Variants in NOXA1 observed in about 807,000 individuals in gnomAD.
The protein encoded by NOXA1 is NADPH oxidase activator 1.
A neutral mutation model predicts 64.8 loss-of-function variants in NOXA1; 56 were observed. The observed-to-expected ratio is 0.86, with a 90% CI of 0.70 to 1.08. The LOEUF (loss-of-function observed/expected upper bound fraction) is 1.08. NOXA1 is among the 50% of genes least tolerant of loss of function. The pLI is 0.00. For synonymous variants in NOXA1, 295 were observed against 294.8 expected (o/e 1.00, Z -0.01); for missense variants, 668 against 658.5 (o/e 1.01, Z -0.16).
chr9:137,423,636 C>T lies in NOXA1; in HGVS notation c.107C>T (p.Pro36Leu), dbSNP rs769002081. ...ALHLFSGVPA[P>L]PARLCFNAGC... ...CACCTCTTCTCGGGCGTCCCGGCGCCGCCCGCCAGGCTGTGCTTCAACGCG... is the reference window on the plus strand; with the variant it reads ...CACCTCTTCTCGGGCGTCCCGGCGCTGCCCGCCAGGCTGTGCTTCAACGCG... Residue 36 changes from proline (P) to leucine (L), a missense_variant, in exon 1 of 14, where the codon CCG (proline) becomes CTG (leucine). Transcript: ENST00000683555. The T allele has an allele frequency of 1.3e-4, 189 of 1,436,194 alleles. No homozygotes were observed. Among genetic ancestry groups the T allele is most frequent in the Non-Finnish European group, 1.3e-4 (146 of 1,092,836 alleles). 89.0% of individuals were successfully genotyped at this position (1,436,194 alleles called of 1,614,324 possible).
At chr9:137,429,528 G>A (rs958781089) in intron 5 of NOXA1, 145 bp downstream of exon 5, 16 of 619,262 alleles carry the variant, frequency 2.6e-5, no homozygotes, top group African/African-American at 1.3e-4. Context: ...TCAAACTGGC[G>A]CCCACGGTAG....
intron 3 of NOXA1, 66 bp from the exon 4 acceptor site, chr9:137,428,816 G>A: frequency 6.7e-7 from 1 of 1,484,172 alleles, no homozygotes; most frequent in East Asian, 2.6e-5. Flanking sequence ...GGAGCTGGGT[G>A]GGGGAACCGG....
In NOXA1 at chr9:137,426,390, C is replaced by T. The variant is rs962217517; in HGVS notation, c.260+60C>T. The T allele has an allele frequency of 7.7e-6, 10 of 1,293,872 alleles. No individual in the cohort carries two copies. In the East Asian group the frequency reaches 2.1e-4, roughly 27 times the overall value. The allele number at this position is 1,293,872 out of a possible 1,614,324, so 80.1% of individuals were successfully genotyped here. A position where few individuals can be genotyped will look rare whatever the true frequency, so the allele number is the denominator to read the frequency against. On this transcript the variant is annotated intron_variant, in intron 2 of 13. Coordinates refer to ENST00000683555, the MANE Select transcript of NOXA1 (RefSeq NM_001256067.2). ...GCCCTTTGTCTCCCTGCAGAGTCCACTCCTGCACCTCCTCCTCCTCCCTCT... is the reference window on the plus strand; with the variant it reads ...GCCCTTTGTCTCCCTGCAGAGTCCATTCCTGCACCTCCTCCTCCTCCCTCT...
rs745960918 is a variant in NOXA1, at chr9:137,423,601, C to A, written c.72C>A (p.Ala24=). The A allele has an allele frequency of 6.8e-7, 1 of 1,478,568 alleles. No homozygotes were observed. Among genetic ancestry groups the A allele is most frequent in the Admixed American group, 2.1e-5 (1 of 48,220 alleles). 91.6% of individuals were successfully genotyped at this position (1,478,568 alleles called of 1,614,324 possible). A position where few individuals can be genotyped will look rare whatever the true frequency, so the allele number is the denominator to read the frequency against. Residue 24 remains alanine (A), a synonymous_variant, in exon 1 of 14, where the codon GCC becomes GCA. Coordinates refer to ENST00000683555, the MANE Select transcript of NOXA1 (RefSeq NM_001256067.2). ...GAQAVDRGDW[A]RALHLFSGVP... is the part of the protein sequence containing the mutation. ...AGGCTGTGGATCGTGGGGACTGGGC[C>A]CGCGCCTTGCACCTCTTCTCGGGCG...
At chr9:137,425,681 C>T (rs575452438) in intron 1 of NOXA1, among the ~76,000 whole-genome samples, 4 of 152,296 alleles carry the variant, frequency 2.6e-5, no homozygotes, top group African/African-American at 7.2e-5. Context: ...CTAACATGCC[C>T]GGCCTGTAAT....
Position 137,428,779 on chromosome 9 carries a change from G to A in NOXA1, c.370-103G>A. The A allele has an allele frequency of 4.1e-6, 5 of 1,214,612 alleles. No homozygotes were observed. In the Admixed American group the frequency reaches 7.4e-5, roughly 18 times the overall value. The allele number at this position is 1,214,612 out of a possible 1,614,324, so 75.2% of individuals were successfully genotyped here. A position where few individuals can be genotyped will look rare whatever the true frequency, so the allele number is the denominator to read the frequency against. Reference sequence around the variant, plus strand: ...GAGGGGCCAGGTGGGGGGACTGGGGGAGGGGCTGGGTGGGCAGACCGAGGG... The same window carrying A: ...GAGGGGCCAGGTGGGGGGACTGGGGAAGGGGCTGGGTGGGCAGACCGAGGG... On this transcript the variant is annotated intron_variant, in intron 3 of 13. Coordinates refer to ENST00000683555, the MANE Select transcript of NOXA1 (RefSeq NM_001256067.2).
At chr9:137,426,409 T>C in intron 2 of NOXA1, 79 bp downstream of exon 2, 1 of 1,132,664 alleles carries the variant, frequency 8.8e-7, no homozygotes, top group Non-Finnish European at 1.3e-6. Context: ...CTCCTCCTCC[T>C]CCCTCTCCAT....
chr9:137,433,653 C>A (rs1221145653), intron 11 of NOXA1, 46 bp downstream of exon 11: 9 of 1,522,308 alleles, frequency 5.9e-6, no homozygotes, highest in Non-Finnish European at 8.0e-6. Context: ...TGGGCACCGC[C>A]CCGACTGAGG....
chr9:137,428,197 G>T lies in NOXA1; in HGVS notation c.369+56G>T. The T allele has an allele frequency of 6.3e-6, 8 of 1,277,760 alleles. No individual in the cohort carries two copies. In the South Asian group the frequency reaches 1.0e-4, roughly 17 times the overall value. The allele number at this position is 1,277,760 out of a possible 1,614,324, so 79.2% of individuals were successfully genotyped here. A position where few individuals can be genotyped will look rare whatever the true frequency, so the allele number is the denominator to read the frequency against. On this transcript the variant is annotated intron_variant, in intron 3 of 13. Coordinates refer to ENST00000683555, the MANE Select transcript of NOXA1 (RefSeq NM_001256067.2). ...GGCTGTGGGGTGTCCACGGGCGGTG[G>T]CACTGTCACAGGAGGGCCCTGTGGA...
chr9:137,432,918 T>G, intron 8 of NOXA1, 111 bp from the exon 9 acceptor site: 1 of 1,201,708 alleles, frequency 8.3e-7, no homozygotes, highest in Non-Finnish European at 1.2e-6. Flanking sequence ...GACCACCTGC[T>G]GGGTGCTGGC....
At position 137,433,982 on chromosome 9, in the gene NOXA1, G is replaced by A. The variant is rs1234432039; in HGVS notation, c.1197G>A (p.Pro399=). 37 of 1,553,074 alleles carry A rather than the reference G, an allele frequency of 2.4e-5. No individual in the cohort carries two copies. The highest frequency in any genetic ancestry group is 7.1e-5 in the East Asian group (3 of 42,054). ...QLQCRGAGGR[P]VLYQVVAQHS... ...TGCCTCAGGGAGCCGGGGGTCGGCC[G>A]GTCCTCTACCAGGTGGTGGCCCAGC... Residue 399 remains proline (P), a synonymous_variant, in exon 13 of 14, where the codon CCG becomes CCA. Transcript: ENST00000683555.
At chr9:137,424,452 C>A (rs1241684260) in intron 1 of NOXA1, among the ~76,000 whole-genome samples, 1 of 152,108 alleles carries the variant, frequency 6.6e-6, no homozygotes, top group East Asian at 1.9e-4. Context: ...TTGTTTGTTT[C>A]AAAGATGGAG....
At chr9:137,428,223 C>A in intron 3 of NOXA1, 82 bp downstream of exon 3, 1 of 993,786 alleles carries the variant, frequency 1.0e-6, no homozygotes, top group Non-Finnish European at 1.5e-6. Context: ...GCCCTGTGGA[C>A]TGGGGAGCGC....
Position 137,431,836 on chromosome 9 carries a change from C to G in NOXA1, c.804+495C>G, listed in dbSNP as rs1430788972. On this transcript the variant is annotated intron_variant, in intron 8 of 13. Coordinates refer to ENST00000683555, the MANE Select transcript of NOXA1 (RefSeq NM_001256067.2). This position sits in a 1 kb window ranked among gnomAD's most constrained non-coding sequence, Gnocchi z 5.6. ...GGAACCCCAGCTGCTCCCAGGGTGG[C>G]AGCCGTGGGCGGAGGCTCTGCTGCA... is the stretch of plus-strand genomic sequence containing the variant. 1.3e-5 allele frequency among the ~76,000 whole-genome samples: 2 copies of G among 152,192 alleles called. No individual in the cohort carries two copies. The highest frequency in any genetic ancestry group is 4.8e-5 in the African/African-American group (2 of 41,444).
At chr9:137,426,580 A>G (rs1415624804) in intron 2 of NOXA1, among the ~76,000 whole-genome samples, 1 of 152,100 alleles carries the variant, frequency 6.6e-6, no homozygotes, top group African/African-American at 2.4e-5. Flanking sequence ...CTAAAGGAGG[A>G]ATGAGGGAAA....
intron 1 of NOXA1, 100 bp downstream of exon 1, chr9:137,423,806 C>G (rs980100813): frequency 5.9e-6 from 6 of 1,014,194 alleles, no homozygotes; most frequent in Non-Finnish European, 6.2e-6. Flanking sequence ...GTCGCCCTGC[C>G]GCCCCCGACC....
chr9:137,433,422 G>A (rs766476409), intron 10 of NOXA1, 31 bp from the exon 11 acceptor site: 22 of 1,575,682 alleles, frequency 1.4e-5, no homozygotes, highest in East Asian at 4.6e-5. Flanking sequence ...GGGCCTCAGC[G>A]ACCACCCCTC....
chr9:137,432,948 C>A, intron 8 of NOXA1, 81 bp from the exon 9 acceptor site: 1 of 1,487,854 alleles, frequency 6.7e-7, no homozygotes, highest in South Asian at 1.1e-5. Context: ...AGGCCACACC[C>A]TTGGTGTGGG....
chr9:137,433,356 A>C (rs1429636237), intron 10 of NOXA1, 93 bp downstream of exon 10: 4 of 1,491,038 alleles, frequency 2.7e-6, no homozygotes, highest in Non-Finnish European at 3.6e-6. Flanking sequence ...AGCCCCCCTC[A>C]CCTGCCCAGT....
Sources: gnomAD v4.1 joint callset for allele counts (sites outside exome capture counted in the v4.1 genomes callset) on GRCh38, gnomAD v4.1.1 for gene constraint, Gnocchi (gnomAD v3.1) non-coding constraint, MANE v1.5 for transcripts, NCBI Gene and HGNC (gene_info 2026-07-23, HGNC 2026-07-21) for gene names.